Variants in PDCD6 observed in about 807,000 individuals in gnomAD.
PDCD6 encodes the protein programmed cell death 6.
A neutral mutation model predicts 28.3 loss-of-function variants in PDCD6; 12 were observed. The ratio of observed to expected loss-of-function variants is 0.42; its 90% confidence interval spans 0.27 to 0.69. The LOEUF is 0.69. PDCD6 is among the 30% of genes least tolerant of loss of function. The pLI, the probability that PDCD6 is intolerant of heterozygous loss-of-function variation, is 0.22. For missense variants in PDCD6, 226 were observed against 269.9 expected, an observed-to-expected ratio of 0.84 and a Z score of 1.14; for synonymous variants, 92 against 108.0, an observed-to-expected ratio of 0.85 and a Z score of 0.92.
At chr5:313,186 G>A (rs1741037721) in intron 5 of PDCD6, among the ~76,000 whole-genome samples, 1 of 152,248 alleles carries the variant, frequency 6.6e-6, no homozygotes, top group African/African-American at 2.4e-5. Context: ...GAATGGGAAA[G>A]AAAAGAAAGC....
At chr5:296,149 AGGATC>A (rs1739595718) in intron 2 of PDCD6, among the ~76,000 whole-genome samples, 1 of 152,194 alleles carries the variant, frequency 6.6e-6, no homozygotes, top group Non-Finnish European at 1.5e-5. Context: ...TAAGACCAAA[AGGATC>A]CATTTCTATG....
At chr5:301,992 G>A (rs1260716772) in intron 2 of PDCD6, among the ~76,000 whole-genome samples, 1 of 141,972 alleles carries the variant, frequency 7.0e-6, no homozygotes, top group African/African-American at 2.6e-5. Context: ...TATGCCTCGG[G>A]TTCAGGTGCA....
intron 1 of PDCD6, 147 bp from the exon 2 acceptor site, chr5:272,564 G>C: frequency 1.3e-6 from 1 of 770,998 alleles, no homozygotes; most frequent in Non-Finnish European, 1.9e-6. Context: ...GCACTTCCTT[G>C]ATTCCGCTGT....
At chr5:314,328 T>G in intron 5 of PDCD6, 89 bp from the exon 6 acceptor site, 1 of 880,702 alleles carries the variant, frequency 1.1e-6, no homozygotes. Flanking sequence ...CGTGTGTGCT[T>G]CTGAAATTGG....
At chr5:288,131 T>C (rs955501235) in intron 2 of PDCD6, among the ~76,000 whole-genome samples, 7 of 151,696 alleles carry the variant, frequency 4.6e-5, no homozygotes, top group African/African-American at 1.7e-4. Context: ...ATTTCTAGGG[T>C]TTCACAAAGG....
intron 3 of PDCD6, chr5:306,326 C>T: frequency 2.6e-6 from 1 of 392,150 alleles, no homozygotes; most frequent in Admixed American, 3.5e-5. Flanking sequence ...TCACACATCC[C>T]ATTGCACGGC....
chr5:292,940 C>T (rs1739398433), intron 2 of PDCD6, among the ~76,000 whole-genome samples: 1 of 152,230 alleles, frequency 6.6e-6, no homozygotes, highest in Non-Finnish European at 1.5e-5. Flanking sequence ...TGGCCACTGA[C>T]ACATCCACGT....
At chr5:301,272 G>A (rs577288062) in intron 2 of PDCD6, among the ~76,000 whole-genome samples, 148 of 152,204 alleles carry the variant, frequency 9.7e-4, no homozygotes, top group Non-Finnish European at 1.9e-3. Context: ...GCTTCTGTCA[G>A]CGCTGGGTCA....
chr5:289,690 T>C (rs1739199569), intron 2 of PDCD6: 1 of 933,658 alleles, frequency 1.1e-6, no homozygotes, highest in East Asian at 2.4e-5. Flanking sequence ...AGAGTCACTG[T>C]GATTTTTCTC....
chr5:295,580 G>A (rs1353058203), intron 2 of PDCD6, among the ~76,000 whole-genome samples: 1 of 147,578 alleles, frequency 6.8e-6, no homozygotes. Flanking sequence ...CCTTCAAGGG[G>A]GCATGGGCCG....
At chr5:311,240 A>C in intron 4 of PDCD6, 53 bp from the exon 5 acceptor site, 1 of 1,374,454 alleles carries the variant, frequency 7.3e-7, no homozygotes, top group Non-Finnish European at 1.0e-6. Flanking sequence ...GAGTGTTGGC[A>C]CATACCTCCC....
At chr5:288,282 AATATATATATT>A (rs2126714577) in intron 2 of PDCD6, among the ~76,000 whole-genome samples, 1 of 117,884 alleles carries the variant, frequency 8.5e-6, no homozygotes, top group South Asian at 2.6e-4. Flanking sequence ...CCCTTAAAAT[AATATATATATT>A]ATATATATAT....
intron 5 of PDCD6, among the ~76,000 whole-genome samples, chr5:312,947 G>C (rs1741019230): frequency 6.6e-6 from 1 of 152,236 alleles, no homozygotes; most frequent in Non-Finnish European, 1.5e-5. Flanking sequence ...TTGAGGTTAT[G>C]TTCTATAAGT....
chr5:275,783 G>C, intron 2 of PDCD6, among the ~76,000 whole-genome samples: 1 of 152,180 alleles, frequency 6.6e-6, no homozygotes, highest in East Asian at 1.9e-4. Context: ...CTCTCAAGTT[G>C]CAGGGCTGCG....
At chr5:301,058 G>A (rs1232174134) in intron 2 of PDCD6, among the ~76,000 whole-genome samples, 2 of 152,216 alleles carry the variant, frequency 1.3e-5, no homozygotes, top group South Asian at 2.1e-4. Flanking sequence ...GTTTGACCGT[G>A]TTATTTGCTG....
chr5:271,826 G>A lies in PDCD6; in HGVS notation c.101+5G>A, dbSNP rs756222661. 1 of 1,401,744 alleles carries A rather than the reference G, an allele frequency of 7.1e-7. No homozygotes were observed. The highest frequency in any genetic ancestry group is 9.3e-7 in the Non-Finnish European group (1 of 1,075,180). The allele number at this position is 1,401,744 out of a possible 1,614,324, so 86.8% of individuals were successfully genotyped here. On this transcript the variant is annotated splice_donor_5th_base_variant and intron_variant, in intron 1 of 5. Coordinates refer to ENST00000264933, the MANE Select transcript of PDCD6 (RefSeq NM_013232.4). ...CCTGTGGAACGTTTTCCAGAGGTGC[G>A]GCCTGGCACCGCCCGGGCACCTCCC... is the stretch of plus-strand genomic sequence containing the variant.
rs1434859136 is a variant in PDCD6, at chr5:276,672, C to G, written c.163+3900C>G. 3 of 978,372 alleles carry G rather than the reference C, an allele frequency of 3.1e-6. No homozygotes were observed. The African/African-American group carries it at 5.3e-5, about 17-fold the overall frequency. The allele number at this position is 978,372 out of a possible 1,614,324, so 60.6% of individuals were successfully genotyped here. On this transcript the variant is annotated intron_variant, in intron 2 of 5. Transcript: ENST00000264933. ...GTAGAACTAAATTATTAGGCTATTT[C>G]AAGAAATTAATATATTACTGGTAGA...
intron 2 of PDCD6, among the ~76,000 whole-genome samples, chr5:296,887 T>C (rs1293358895): frequency 1.3e-5 from 2 of 151,974 alleles, no homozygotes. Flanking sequence ...GATTCGTCTT[T>C]ATGCCTCCCC....
rs544200482 is a variant in PDCD6 at position 301,765 on chromosome 5, G to A, written c.164-2412G>A. 3.2e-3 allele frequency among the ~76,000 whole-genome samples: 485 copies of A among 151,384 alleles called. 1 individual carries two copies. The highest frequency in any genetic ancestry group is 5.0e-3 in the South Asian group (24 of 4,774). ...AGCTTCCCTGCATAACTGCTGGAGG[G>A]TGGGTCGTGGAGTGCTGCTCTGTGT... On this transcript the variant is annotated intron_variant, in intron 2 of 5. Coordinates refer to ENST00000264933, the MANE Select transcript of PDCD6 (RefSeq NM_013232.4).
Sources: gnomAD v4.1 joint callset for allele counts (sites outside exome capture counted in the v4.1 genomes callset) on GRCh38, gnomAD v4.1.1 for gene constraint, MANE v1.5 for transcripts, NCBI Gene and HGNC (gene_info 2026-07-23, HGNC 2026-07-21) for gene names.